The following CNGB3 variants were observed in gnomAD, a reference collection of about 807,000 sequenced individuals.
The protein encoded by CNGB3 is cyclic nucleotide-gated channel beta-3.
A neutral mutation model predicts 92.8 loss-of-function variants in CNGB3; 86 were observed. The ratio of observed to expected loss-of-function variants is 0.93; its 90% CI spans 0.78 to 1.11. CNGB3 has a LOEUF of 1.11. Among genes scored for constraint, CNGB3 ranks in the 50% least tolerant of loss-of-function variants. The pLI is 0.00. For missense variants in CNGB3, 1,026 were observed against 956.8 expected (o/e 1.07, Z -0.95); for synonymous variants, 333 against 332.7 (o/e 1.00, Z -0.01).
At chr8:86,664,903 T>C (rs780836480) in intron 6 of CNGB3, among the ~76,000 whole-genome samples, 1 of 152,160 alleles carries the variant, frequency 6.6e-6, no homozygotes, top group Non-Finnish European at 1.5e-5. Context: ...GCTCTTTCAT[T>C]CTCTTACCAC....
intron 3 of CNGB3, among the ~76,000 whole-genome samples, chr8:86,720,693 C>T (rs972764374): frequency 6.6e-5 from 10 of 151,888 alleles, no homozygotes; most frequent in African/African-American, 1.7e-4. Flanking sequence ...AAGGTACTTG[C>T]GCATGCATGT....
Position 86,575,876 on chromosome 8 carries a change from G to A in CNGB3, c.2358C>T (p.Ile786=). ...CGCCCTCAGCAGAAGGAGCCATGCT[G>A]ATAATGAGTGATTGACGAGAAGTCC... ...PRGTSRQSLI[I]SMAPSAEGGE... Residue 786 remains isoleucine, a synonymous_variant, in exon 18 of 18, where the codon ATC becomes ATT. Transcript: ENST00000320005. The A allele has an allele frequency of 6.2e-7, 1 of 1,613,206 alleles. No homozygotes were observed. The highest frequency in any genetic ancestry group is 8.5e-7 in the Non-Finnish European group (1 of 1,179,806).
At chr8:86,683,840 C>G (rs1824130341) in intron 3 of CNGB3, among the ~76,000 whole-genome samples, 1 of 152,088 alleles carries the variant, frequency 6.6e-6, no homozygotes, top group Non-Finnish European at 1.5e-5. Flanking sequence ...AAAATTAACT[C>G]AAAATGGATC....
At chr8:86,676,903 T>C (rs577387081) in intron 3 of CNGB3, among the ~76,000 whole-genome samples, 2 of 152,324 alleles carry the variant, frequency 1.3e-5, no homozygotes, top group African/African-American at 4.8e-5. Context: ...TGCTCATGAA[T>C]ATAGTAATTT....
intron 3 of CNGB3, among the ~76,000 whole-genome samples, chr8:86,686,303 A>G (rs1228460581): frequency 1.3e-5 from 2 of 151,948 alleles, no homozygotes; most frequent in Admixed American, 6.6e-5. Context: ...TCATATGGGC[A>G]TGGTTAATGG....
At chr8:86,733,654 C>A (rs1305323509) in intron 2 of CNGB3, among the ~76,000 whole-genome samples, 1 of 152,176 alleles carries the variant, frequency 6.6e-6, no homozygotes, top group Non-Finnish European at 1.5e-5. Flanking sequence ...AGTAGTACTT[C>A]CTATGCATGT....
chr8:86,660,917 C>T (rs1479660272), intron 6 of CNGB3: 1 of 297,178 alleles, frequency 3.4e-6, no homozygotes, highest in Admixed American at 4.2e-5. Flanking sequence ...AGAAATACTC[C>T]TACCCCAGAA....
At chr8:86,734,286 G>A (rs1825208162) in intron 2 of CNGB3, among the ~76,000 whole-genome samples, 2 of 152,184 alleles carry the variant, frequency 1.3e-5, no homozygotes, top group Admixed American at 1.3e-4. Flanking sequence ...CCTGGGCAAG[G>A]CTGGGGGCAC....
chr8:86,689,728 C>T (rs1824268629), intron 3 of CNGB3, among the ~76,000 whole-genome samples: 1 of 149,690 alleles, frequency 6.7e-6, no homozygotes, highest in African/African-American at 2.5e-5. Flanking sequence ...AACCCCACAA[C>T]AGGCCCTGGT....
chr8:86,607,689 C>T (rs188896037), intron 14 of CNGB3, among the ~76,000 whole-genome samples: 33 of 152,256 alleles, frequency 2.2e-4, no homozygotes, highest in Admixed American at 1.9e-3. Flanking sequence ...GTGATTTCTG[C>T]CCTGCCATAG....
In CNGB3 at chr8:86,626,017, T is replaced by C. The variant is rs376475935; in HGVS notation, c.1544A>G (p.Asn515Ser). The C allele has an allele frequency of 2.5e-6, 4 of 1,613,844 alleles. No individual in the cohort carries two copies. The African/African-American group carries it at 5.3e-5, about 22-fold the overall frequency. ...GTCGACTTTGCTGATGATGCTGAAGTTCACATCAATGGCGAGGGCTAACTG... is the reference window on the plus strand; with the variant it reads ...GTCGACTTTGCTGATGATGCTGAAGCTCACATCAATGGCGAGGGCTAACTG... ...TVQLALAIDV[N>S]FSIISKVDLF... is the part of the protein sequence containing the mutation. The change falls in exon 13 of 18, where the codon AAC becomes AGC. Residue 515 changes from asparagine to serine, a missense_variant. Physicochemically the swap from Asn to Ser is conservative, Grantham distance 46. Coordinates refer to ENST00000320005, the MANE Select transcript of CNGB3 (RefSeq NM_019098.5).
chr8:86,673,124 A>G (rs1409183235), intron 3 of CNGB3, among the ~76,000 whole-genome samples: 1 of 152,252 alleles, frequency 6.6e-6, no homozygotes, highest in Admixed American at 6.5e-5. Context: ...AATATAAGTT[A>G]CACAGTGTCA....
At chr8:86,683,910 G>A (rs889436230) in intron 3 of CNGB3, among the ~76,000 whole-genome samples, 2 of 152,110 alleles carry the variant, frequency 1.3e-5, no homozygotes, top group Non-Finnish European at 2.9e-5. Flanking sequence ...GAGAAGTTCT[G>A]GATCTATGGC....
chr8:86,661,762 G>A lies in CNGB3; in HGVS notation c.852+5163C>T, dbSNP rs1476556200. On this transcript the variant is annotated intron_variant, in intron 6 of 17. Coordinates refer to ENST00000320005, the MANE Select transcript of CNGB3 (RefSeq NM_019098.5). Reference sequence around the variant, plus strand: ...GCATCTCAAACATCCAGGTGCTTAGGAAGGTTATATAATCTGCAGAGTTCA... The same window carrying A: ...GCATCTCAAACATCCAGGTGCTTAGAAAGGTTATATAATCTGCAGAGTTCA... 20 of 1,589,888 alleles carry A rather than the reference G, an allele frequency of 1.3e-5. No homozygotes were observed. In the Admixed American group the frequency reaches 3.4e-4, roughly 27 times the overall value.
chr8:86,743,062 C>A (rs1825369421), intron 1 of CNGB3, among the ~76,000 whole-genome samples: 1 of 152,092 alleles, frequency 6.6e-6, no homozygotes, highest in Non-Finnish European at 1.5e-5. Context: ...CCCAGATTTG[C>A]CAAATGTCCC....
chr8:86,579,666 G>A (rs1821724432), intron 15 of CNGB3, among the ~76,000 whole-genome samples: 1 of 152,186 alleles, frequency 6.6e-6, no homozygotes, highest in Non-Finnish European at 1.5e-5. Flanking sequence ...CTCAGCCATT[G>A]GAAAAGACTA....
At chr8:86,715,709 C>T (rs1469551866) in intron 3 of CNGB3, among the ~76,000 whole-genome samples, 1 of 151,104 alleles carries the variant, frequency 6.6e-6, no homozygotes, top group Non-Finnish European at 1.5e-5. Flanking sequence ...CAAGGAGACA[C>T]CAGAGGAAGG....
rs898978841 is a variant in CNGB3 at position 86,591,952 on chromosome 8, T to C, written c.1781+12141A>G. Among the ~76,000 whole-genome samples, 53 of 152,344 alleles carry C rather than the reference T, an allele frequency of 3.5e-4. 1 individual carries two copies. The highest frequency in any genetic ancestry group is 1.2e-3 in the African/African-American group (51 of 41,588). ...CCCTCCCCCAGCCTCGCTGCCACCT[T>C]GCAGTTTGATCTCAGACTGCTGTGC... On this transcript the variant is annotated intron_variant, in intron 15 of 17. Coordinates refer to ENST00000320005, the MANE Select transcript of CNGB3 (RefSeq NM_019098.5).
intron 4 of CNGB3, among the ~76,000 whole-genome samples, chr8:86,669,866 T>C (rs560671122): frequency 6.6e-6 from 1 of 152,284 alleles, no homozygotes; most frequent in African/African-American, 2.4e-5. Context: ...TATTGATTTT[T>C]TTTTTTTCGG....
Sources: allele counts gnomAD v4.1 joint callset (sites outside exome capture counted in the v4.1 genomes callset), GRCh38; gene constraint gnomAD v4.1.1; transcripts MANE v1.5; gene names NCBI Gene and HGNC (gene_info 2026-07-23, HGNC 2026-07-21).